Variants in ADGRG1 observed in about 807,000 individuals in gnomAD.
ADGRG1 encodes 7-transmembrane protein with no EGF-like N-terminal domains-1.
ADGRG1 carries 53 observed loss-of-function variants against 73.5 expected under a neutral mutation model. That is an observed-to-expected ratio of 0.72 (90% CI 0.58 to 0.91). The LOEUF (loss-of-function observed/expected upper bound fraction) is 0.91, where lower values mean the gene tolerates loss of function less well. Ranked by LOEUF, ADGRG1 falls within the 40% of genes least tolerant of loss-of-function variation. The pLI is 0.00. For missense variants in ADGRG1, 795 were observed against 871.8 expected, an observed-to-expected ratio of 0.91 and a Z score of 1.11; for synonymous variants, 394 against 374.4, an observed-to-expected ratio of 1.05 and a Z score of -0.60.
chr16:57,658,071 C>A (rs1208215072), intron 10 of ADGRG1, among the ~76,000 whole-genome samples: 1 of 152,060 alleles, frequency 6.6e-6, no homozygotes, highest in Non-Finnish European at 1.5e-5. Context: ...TGAGAGAGTC[C>A]ACCTAAGAAT....
chr16:57,641,954 C>A (rs776074596), intron 1 of ADGRG1: 7 of 242,676 alleles, frequency 2.9e-5, no homozygotes, highest in Non-Finnish European at 4.6e-5. Context: ...GCGGCATGAT[C>A]ATAGCTCACT....
At chr16:57,631,711 G>A (rs1355519682) in intron 1 of ADGRG1, 1 of 985,266 alleles carries the variant, frequency 1.0e-6, no homozygotes, top group East Asian at 1.1e-4. Flanking sequence ...CTGGCACAAA[G>A]GGGTCTCTCA....
intron 1 of ADGRG1, among the ~76,000 whole-genome samples, chr16:57,644,468 G>A (rs1464953915): frequency 3.5e-5 from 5 of 141,678 alleles, no homozygotes; most frequent in Admixed American, 1.4e-4. Flanking sequence ...ACTCATGCAC[G>A]GGCACACACA....
chr16:57,650,374 T>A, intron 2 of ADGRG1, 23 bp downstream of exon 2: 1 of 1,607,656 alleles, frequency 6.2e-7, no homozygotes, highest in Non-Finnish European at 8.5e-7. Flanking sequence ...AGGGGTGCCC[T>A]GGGCTGTTGG....
At chr16:57,658,609 C>G (rs1240803435) in intron 10 of ADGRG1, among the ~76,000 whole-genome samples, 1 of 152,214 alleles carries the variant, frequency 6.6e-6, no homozygotes, top group African/African-American at 2.4e-5. Context: ...GGAAGGACAG[C>G]TGGGTGATGA....
chr16:57,663,555 G>A lies in ADGRG1; in HGVS notation c.2037G>A (p.Ser679=), dbSNP rs186736979. The A allele has an allele frequency of 5.5e-5, 88 of 1,613,754 alleles. No homozygotes were observed. In the East Asian group the frequency reaches 1.6e-3, roughly 30 times the overall value. The change falls in exon 14 of 14, where the codon TCG becomes TCA. Residue 679 remains serine (S), a synonymous_variant. Coordinates refer to ENST00000562631, the MANE Select transcript of ADGRG1 (RefSeq NM_201525.4). ...ACAGCGCCAGGCTCCCCATCAGCTC[G>A]GGCAGCACCTCGTCCAGCCGCATCT... The part of the protein sequence containing the change: ...NSDSARLPIS[S]GSTSSSRI
At chr16:57,634,280 G>GC (rs2038793400) in intron 1 of ADGRG1, 1 of 985,226 alleles carries the variant, frequency 1.0e-6, no homozygotes, top group African/African-American at 1.7e-5. Flanking sequence ...TCAGACAACT[G>GC]CCCAGACCCA....
chr16:57,639,005 G>A (rs2147647029), intron 1 of ADGRG1, among the ~76,000 whole-genome samples: 1 of 152,184 alleles, frequency 6.6e-6, no homozygotes, highest in South Asian at 2.1e-4. Flanking sequence ...GGAAGGCTGA[G>A]GTTGCAGTGA....
intron 3 of ADGRG1, chr16:57,651,946 G>A (rs982701361): frequency 6.1e-6 from 8 of 1,318,226 alleles, no homozygotes; most frequent in Non-Finnish European, 7.8e-6. Context: ...AATAGGGTGA[G>A]AGAGCAGAGA....
At chr16:57,628,894 GTGTGT>G in intron 1 of ADGRG1, 92 bp downstream of exon 1, 1 of 899,220 alleles carries the variant, frequency 1.1e-6, no homozygotes, top group Non-Finnish European at 1.3e-6. Flanking sequence ...GAGAGTGTGA[GTGTGT>G]GAGTGTGAGT....
At position 57,664,676 on chromosome 16, in the gene ADGRG1, C is replaced by A. The variant is rs983772559; in HGVS notation, c.*1094C>A. The A allele has an allele frequency of 6.5e-6, 1 of 152,792 alleles. No homozygotes were observed. Among genetic ancestry groups the A allele is most frequent in the African/African-American group, 2.4e-5 (1 of 41,466 alleles). 9.5% of individuals were successfully genotyped at this position (152,792 alleles called of 1,614,324 possible). On this transcript the variant is annotated 3_prime_UTR_variant, in exon 14 of 14. Coordinates refer to ENST00000562631, the MANE Select transcript of ADGRG1 (RefSeq NM_201525.4). ...GCCCATCATGGTTAATTCTGTCCAACAAACACACACGGGTAGATTGCTGGC... is the reference window on the plus strand; with the variant it reads ...GCCCATCATGGTTAATTCTGTCCAAAAAACACACACGGGTAGATTGCTGGC...
chr16:57,645,468 C>T (rs902155771), intron 1 of ADGRG1: 1 of 340,652 alleles, frequency 2.9e-6, no homozygotes, highest in East Asian at 1.7e-4. Context: ...ACAGAGGAGC[C>T]TGATGGGTCT....
At chr16:57,649,737 G>T (rs1416853371) in intron 1 of ADGRG1, among the ~76,000 whole-genome samples, 1 of 151,938 alleles carries the variant, frequency 6.6e-6, no homozygotes, top group Non-Finnish European at 1.5e-5. Flanking sequence ...GCAAAAGGTG[G>T]AACTGAGACT....
intron 1 of ADGRG1, chr16:57,639,164 G>T: frequency 1.7e-6 from 1 of 596,020 alleles, no homozygotes; most frequent in Non-Finnish European, 2.1e-6. Context: ...TCGAGAAATT[G>T]GAAGCTCTGG....
intron 1 of ADGRG1, chr16:57,641,515 T>C: frequency 1.0e-6 from 1 of 985,046 alleles, no homozygotes; most frequent in African/African-American, 1.7e-5. Flanking sequence ...GCCTTCCTAA[T>C]CCCTGTTTCT....
rs2044076382 is a variant in ADGRG1, at chr16:57,651,471, G to A, written c.336G>A (p.Leu112=). ...TCTATGGCAAGCGTGACTTCTTGCT[G>A]AGTGACAAAGCCTCTAGCCTCCTCT... ...HLLYGKRDFL[L]SDKASSLLCF... The change falls in exon 3 of 14, where the codon CTG becomes CTA. Residue 112 remains leucine (L), a synonymous_variant. Coordinates refer to ENST00000562631, the MANE Select transcript of ADGRG1 (RefSeq NM_201525.4). 6.2e-7 allele frequency: 1 copy of A among 1,614,112 alleles called. No individual in the cohort carries two copies. Among genetic ancestry groups the A allele is most frequent in the African/African-American group, 1.3e-5 (1 of 74,940 alleles).
At chr16:57,638,890 T>C (rs1010471046) in intron 1 of ADGRG1, among the ~76,000 whole-genome samples, 2 of 151,952 alleles carry the variant, frequency 1.3e-5, no homozygotes, top group African/African-American at 4.8e-5. Context: ...GCCAGCATAG[T>C]GAAACCCCGT....
intron 1 of ADGRG1, chr16:57,631,338 G>A (rs565782054): frequency 1.4e-5 from 14 of 985,744 alleles, no homozygotes; most frequent in Non-Finnish European, 1.7e-5. Flanking sequence ...TGGGATGCGG[G>A]TTCCGCCATC....
At chr16:57,625,537 T>C (rs1463653001), upstream of ADGRG1, 1 of 983,568 alleles carries the variant, frequency 1.0e-6, no homozygotes, top group African/African-American at 1.8e-5. Flanking sequence ...CGGACCCAAC[T>C]TCCCCTCTAC....
Sources: allele counts gnomAD v4.1 joint callset (sites outside exome capture counted in the v4.1 genomes callset), GRCh38; gene constraint gnomAD v4.1.1; transcripts MANE v1.5; gene names NCBI Gene and HGNC (gene_info 2026-07-23, HGNC 2026-07-21).